The following AP2B1 variants were observed in gnomAD, a reference collection of about 807,000 sequenced individuals.
AP2B1 encodes AP-2 complex subunit beta.
Under a neutral mutation model 102.0 loss-of-function variants are expected in AP2B1, and 23 were observed. The ratio of observed to expected loss-of-function variants is 0.23; its 90% CI spans 0.16 to 0.32. The LOEUF (loss-of-function observed/expected upper bound fraction) is 0.32. Ranked by LOEUF, AP2B1 falls within the 10% of genes least tolerant of loss-of-function variation. The pLI is 1.00. For missense variants in AP2B1, 541 were observed against 1,157.4 expected, an observed-to-expected ratio of 0.47 and a Z score of 7.73; for synonymous variants, 381 against 421.2, an observed-to-expected ratio of 0.90 and a Z score of 1.17.
chr17:35,680,686 G>GTTTTTTTTT lies in AP2B1; in HGVS notation c.2325-2004_2325-1996dup, dbSNP rs1167550201. 1.5e-3 allele frequency among the ~76,000 whole-genome samples: 90 copies of GTTTTTTTTT among 59,900 alleles called. 2 individuals carry two copies. Among genetic ancestry groups the GTTTTTTTTT allele is most frequent in the African/African-American group, 4.3e-3 (58 of 13,386 alleles). 39.3% of individuals were successfully genotyped at this position (59,900 alleles called of 152,430 possible). A position where few individuals can be genotyped will look rare whatever the true frequency, so the allele number is the denominator to read the frequency against. ...CCACCATGCCCAGTCTATGGTTTTG[G>GTTTTTTTTT]TTTTTTTTTTTTTGTTTTTTTTTTT... On this transcript the variant is annotated intron_variant, in intron 17 of 21. Coordinates refer to ENST00000610402, the MANE Select transcript of AP2B1 (RefSeq NM_001030006.2).
chr17:35,722,842 A>G (rs587736336), intron 21 of AP2B1, among the ~76,000 whole-genome samples: 2 of 152,308 alleles, frequency 1.3e-5, no homozygotes, highest in African/African-American at 4.8e-5. Context: ...TACAATTAAG[A>G]TTCTAAATCT....
chr17:35,703,324 A>G lies in AP2B1; in HGVS notation c.2455-5900A>G, dbSNP rs587632627. 3.3e-5 allele frequency among the ~76,000 whole-genome samples: 5 copies of G among 151,772 alleles called. No individual in the cohort carries two copies. In the East Asian group the frequency reaches 9.7e-4, roughly 29 times the overall value. The stretch of plus-strand genomic sequence containing the variant: ...TACCACTCGACTCAGCAATCCCATT[A>G]CTGGATATATACCCAAAAGAATACA... On this transcript the variant is annotated intron_variant, in intron 18 of 21. Coordinates refer to ENST00000610402, the MANE Select transcript of AP2B1 (RefSeq NM_001030006.2).
At chr17:35,594,778 T>C (rs889516310) in intron 2 of AP2B1, among the ~76,000 whole-genome samples, 5 of 152,254 alleles carry the variant, frequency 3.3e-5, no homozygotes, top group African/African-American at 1.2e-4. Flanking sequence ...ATCTTTGTTA[T>C]CAGTAATATA....
Position 35,703,217 on chromosome 17 carries a change from A to G in AP2B1, c.2455-6007A>G. Among the ~76,000 whole-genome samples the G allele has an allele frequency of 1.5e-5, 2 of 133,434 alleles. 1 individual carries two copies. The highest frequency in any genetic ancestry group is 5.0e-4 in the South Asian group (2 of 4,018). The allele number at this position is 133,434 out of a possible 152,430, so 87.5% of individuals were successfully genotyped here. Reference sequence around the variant, plus strand: ...GAGGCGGAGCTTGCAGTGAGCCGAGATTGCGCCACTGCACTCCAGCCTGGG... The same window carrying G: ...GAGGCGGAGCTTGCAGTGAGCCGAGGTTGCGCCACTGCACTCCAGCCTGGG... On this transcript the variant is annotated intron_variant, in intron 18 of 21. Coordinates refer to ENST00000610402, the MANE Select transcript of AP2B1 (RefSeq NM_001030006.2).
At chr17:35,708,267 G>A (rs1020030573) in intron 18 of AP2B1, among the ~76,000 whole-genome samples, 2 of 152,162 alleles carry the variant, frequency 1.3e-5, no homozygotes, top group African/African-American at 4.8e-5. Flanking sequence ...AGCATAGATA[G>A]GAAAGTCATT....
rs1361985998 is a variant in AP2B1, at chr17:35,601,414, C to T, written c.143+3079C>T. ...GCGCAATCTCGGCCCACTGCAGCCT[C>T]TGCCTCCCGGGTTCAAGGGATTCTC... On this transcript the variant is annotated intron_variant, in intron 3 of 21. Transcript: ENST00000610402. Among the ~76,000 whole-genome samples the T allele has an allele frequency of 2.0e-5, 3 of 152,324 alleles. No homozygotes were observed. In the South Asian group the frequency reaches 6.2e-4, roughly 32 times the overall value.
At chr17:35,649,946 T>TTTA (rs755174005) in intron 12 of AP2B1, among the ~76,000 whole-genome samples, 11 of 151,826 alleles carry the variant, frequency 7.2e-5, no homozygotes, top group Non-Finnish European at 1.6e-4. Flanking sequence ...TTTTTGTACT[T>TTTA]TTATTATTAT....
At chr17:35,673,233 C>T (rs530670782) in intron 16 of AP2B1, among the ~76,000 whole-genome samples, 15 of 152,056 alleles carry the variant, frequency 9.9e-5, no homozygotes, top group East Asian at 3.9e-4. Flanking sequence ...TTTTTTTAGA[C>T]GGAGTCTCAC....
chr17:35,716,775 C>T (rs2076559122), intron 20 of AP2B1, among the ~76,000 whole-genome samples: 1 of 152,062 alleles, frequency 6.6e-6, no homozygotes, highest in Non-Finnish European at 1.5e-5. Context: ...TCTGTGTGTC[C>T]CCATTGATCT....
chr17:35,636,420 T>C lies in AP2B1; in HGVS notation c.1235T>C (p.Val412Ala). ...KVNYVVQEAI[V>A]VIRDIFRKYP... is the part of the protein sequence containing the mutation. ...AATTATGTGGTCCAAGAAGCAATTG[T>C]TGTCATCAGGGACATCTTCCGCAAA... is the stretch of plus-strand genomic sequence containing the variant. Residue 412 changes from valine to alanine, a missense_variant, in exon 10 of 22, where the codon GTT becomes GCT. Transcript: ENST00000610402. 6.2e-7 allele frequency: 1 copy of C among 1,614,066 alleles called. No individual in the cohort carries two copies. Among genetic ancestry groups the C allele is most frequent in the Non-Finnish European group, 8.5e-7 (1 of 1,179,944 alleles).
chr17:35,709,482 C>T (rs1219569480), intron 19 of AP2B1, among the ~76,000 whole-genome samples, 174 bp downstream of exon 19: 1 of 152,122 alleles, frequency 6.6e-6, no homozygotes, highest in Non-Finnish European at 1.5e-5. Flanking sequence ...CACAATTGTT[C>T]TTGCTCTGCC....
At chr17:35,655,610 A>G (rs2075200055) in intron 13 of AP2B1, among the ~76,000 whole-genome samples, 1 of 152,062 alleles carries the variant, frequency 6.6e-6, no homozygotes, top group South Asian at 2.1e-4. Flanking sequence ...ATATTCTTGT[A>G]TTTGTCTTTT....
intron 6 of AP2B1, among the ~76,000 whole-genome samples, chr17:35,625,740 A>G (rs1056738381): frequency 1.3e-5 from 2 of 152,110 alleles, no homozygotes; most frequent in East Asian, 3.9e-4. Context: ...TAGAGAAGAA[A>G]TCTAAGAAAT....
intron 14 of AP2B1, among the ~76,000 whole-genome samples, chr17:35,665,425 C>T (rs1388868279): frequency 6.6e-6 from 1 of 152,102 alleles, no homozygotes; most frequent in Non-Finnish European, 1.5e-5. Flanking sequence ...TATGCCCAGC[C>T]TTGAATAGCT....
rs778030836 is a variant in AP2B1, at chr17:35,682,771, C to A, written c.2401C>A (p.Pro801Thr). ...MPNQSIDVSL[P>T]LNTLGPVMKM... ...AAACCAGAGCATTGATGTCTCCCTG[C>A]CTCTCAATACCTTGGGCCCAGTCAT... is the stretch of plus-strand genomic sequence containing the variant. Residue 801 changes from proline to threonine, a missense_variant, in exon 18 of 22, where the codon CCT (proline) becomes ACT (threonine). Around this residue, in one of 10 missense-constraint regions of AP2B1, gnomAD observed 117 missense variants for 206.7 expected, o/e 0.57. Coordinates refer to ENST00000610402, the MANE Select transcript of AP2B1 (RefSeq NM_001030006.2). 4 of 1,612,918 alleles carry A rather than the reference C, an allele frequency of 2.5e-6. No individual in the cohort carries two copies. Among genetic ancestry groups the A allele is most frequent in the Non-Finnish European group, 3.4e-6 (4 of 1,179,238 alleles).
intron 18 of AP2B1, among the ~76,000 whole-genome samples, chr17:35,683,267 C>G (rs748015660): frequency 6.6e-6 from 1 of 152,096 alleles, no homozygotes; most frequent in Non-Finnish European, 1.5e-5. Flanking sequence ...TCTTTGTGGA[C>G]GAGAGTTTTA....
At chr17:35,666,722 C>T (rs377589931) in intron 14 of AP2B1, among the ~76,000 whole-genome samples, 2 of 152,154 alleles carry the variant, frequency 1.3e-5, no homozygotes, top group Non-Finnish European at 2.9e-5. Context: ...CCTCCTGTCT[C>T]CTACCAGCTC....
intron 16 of AP2B1, among the ~76,000 whole-genome samples, chr17:35,673,523 GC>G (rs1400312587): frequency 6.6e-6 from 1 of 151,854 alleles, no homozygotes; most frequent in African/African-American, 2.4e-5. Context: ...AATAGTATAG[GC>G]CAGGTATACC....
intron 10 of AP2B1, among the ~76,000 whole-genome samples, chr17:35,638,783 C>T (rs541494202): frequency 4.9e-5 from 5 of 101,744 alleles, no homozygotes; most frequent in African/African-American, 1.2e-4. Context: ...AGCAACACTC[C>T]GTCTTGAAAA....
Sources: gnomAD v4.1 joint callset for allele counts (sites outside exome capture counted in the v4.1 genomes callset) on GRCh38, gnomAD v4.1.1 for gene constraint, gnomAD v4.1.1 regional missense constraint, MANE v1.5 for transcripts, NCBI Gene and HGNC (gene_info 2026-07-23, HGNC 2026-07-21) for gene names.